GFM1: variants seen among roughly 807,000 people sequenced by gnomAD.
GFM1 encodes elongation factor G, mitochondrial.
Under a neutral mutation model 96.2 loss-of-function variants are expected in GFM1, and 62 were observed. The observed-to-expected ratio is 0.64, with a 90% CI of 0.53 to 0.80. GFM1 has a LOEUF of 0.80. Among genes scored for constraint, GFM1 ranks in the 30% least tolerant of loss-of-function variants. GFM1 has a pLI of 0.00. For synonymous variants in GFM1, 282 were observed against 312.9 expected, an observed-to-expected ratio of 0.90 and a Z score of 1.04; for missense variants, 852 against 916.6, an observed-to-expected ratio of 0.93 and a Z score of 0.91.
chr3:158,646,981 A>G, intron 4 of GFM1, 34 bp downstream of exon 4: 1 of 1,527,998 alleles, frequency 6.5e-7, no homozygotes, highest in Non-Finnish European at 9.1e-7. Flanking sequence ...AGAGGATGTG[A>G]TGATCTAGAC....
chr3:158,694,086 C>A lies in GFM1; in HGVS notation c.*2619C>A, dbSNP rs1477282096. Among the ~76,000 whole-genome samples, 1 of 151,662 alleles carries A rather than the reference C, an allele frequency of 6.6e-6. No individual in the cohort carries two copies. The highest frequency in any genetic ancestry group is 2.4e-5 in the African/African-American group (1 of 41,280). ...GACTCAGCAATACCATTACTATATA[C>A]CCAAAGGAACGTAAATCATTCTATT... On this transcript the variant is annotated 3_prime_UTR_variant, in exon 18 of 18. Transcript: ENST00000486715.
chr3:158,655,084 A>G (rs1167012862), intron 8 of GFM1, among the ~76,000 whole-genome samples: 1 of 152,206 alleles, frequency 6.6e-6, no homozygotes, highest in Non-Finnish European at 1.5e-5. Flanking sequence ...AATATGTCCT[A>G]AGGAACTAAT....
chr3:158,649,853 G>A lies in GFM1; in HGVS notation c.689+696G>A, dbSNP rs370486514. 15 of 627,042 alleles carry A rather than the reference G, an allele frequency of 2.4e-5. 1 individual carries two copies. Among genetic ancestry groups the A allele is most frequent in the Admixed American group, 1.5e-4 (6 of 40,488 alleles). 38.8% of individuals were successfully genotyped at this position (627,042 alleles called of 1,614,324 possible). On this transcript the variant is annotated intron_variant, in intron 5 of 17. Coordinates refer to ENST00000486715, the MANE Select transcript of GFM1 (RefSeq NM_024996.7). The stretch of plus-strand genomic sequence containing the variant: ...TGATCAGTAGATTGGGGTGGGGCCC[G>A]TAGTTTGCATTTCTGGAAGGTTTCC...
rs1213501380 is a variant in GFM1, at chr3:158,692,605, T to A, written c.*1138T>A. The A allele has an allele frequency of 6.6e-6, 1 of 152,210 alleles. No individual in the cohort carries two copies. Among genetic ancestry groups the A allele is most frequent in the Non-Finnish European group, 1.5e-5 (1 of 68,030 alleles). The allele number at this position is 152,210 out of a possible 1,614,324, so 9.4% of individuals were successfully genotyped here. On this transcript the variant is annotated 3_prime_UTR_variant, in exon 18 of 18. Coordinates refer to ENST00000486715, the MANE Select transcript of GFM1 (RefSeq NM_024996.7). ...GCTTTTCTTGACTTATAGACGTGGC[T>A]TTATACTTTAAGGTTTCTAGGGGAA...
chr3:158,645,621 T>G lies in GFM1; in HGVS notation c.82-8T>G. ...GTGCATAGAATTGAGCTCTCGTATT[T>G]TTTTCAGGTTAATTGGAAGGCCTGC... On this transcript the variant is annotated splice_polypyrimidine_tract_variant and splice_region_variant and intron_variant, in intron 1 of 17. Coordinates refer to ENST00000486715, the MANE Select transcript of GFM1 (RefSeq NM_024996.7). 1 of 1,610,526 alleles carries G rather than the reference T, an allele frequency of 6.2e-7. No homozygotes were observed. The highest frequency in any genetic ancestry group is 8.5e-7 in the Non-Finnish European group (1 of 1,176,728).
At chr3:158,657,913 A>C (rs1722893107) in intron 8 of GFM1, among the ~76,000 whole-genome samples, 1 of 152,126 alleles carries the variant, frequency 6.6e-6, no homozygotes, top group Non-Finnish European at 1.5e-5. Context: ...AGTTTCAAGC[A>C]TTTTAATATG....
chr3:158,670,495 T>C (rs1020392211), intron 13 of GFM1, among the ~76,000 whole-genome samples: 21 of 152,334 alleles, frequency 1.4e-4, no homozygotes, highest in Middle Eastern at 3.4e-3. Flanking sequence ...GTATAGTCTT[T>C]TTTTGTGTAG....
At chr3:158,677,659 C>T (rs1252484013) in intron 13 of GFM1, among the ~76,000 whole-genome samples, 1 of 152,182 alleles carries the variant, frequency 6.6e-6, no homozygotes, top group Non-Finnish European at 1.5e-5. Context: ...CATCTGCCAC[C>T]ATGCCCGACT....
intron 8 of GFM1, among the ~76,000 whole-genome samples, chr3:158,657,985 T>C (rs1722901322): frequency 6.6e-6 from 1 of 152,080 alleles, no homozygotes; most frequent in South Asian, 2.1e-4. Flanking sequence ...ATTTCTGTTT[T>C]TACCTATTTA....
chr3:158,683,935 AG>A (rs1250316481), intron 14 of GFM1, among the ~76,000 whole-genome samples: 1 of 152,234 alleles, frequency 6.6e-6, no homozygotes, highest in Non-Finnish European at 1.5e-5. Flanking sequence ...ACAATAGCAA[AG>A]ATATGTAATC....
intron 17 of GFM1, 26 bp from the exon 18 acceptor site, chr3:158,691,310 A>AC: frequency 6.2e-7 from 1 of 1,612,616 alleles, no homozygotes; most frequent in East Asian, 2.2e-5. Flanking sequence ...CAAACAAAAA[A>AC]CCCTCTCTTT....
rs1268978722 is a variant in GFM1 at position 158,646,383 on chromosome 3, A to G, written c.367+86A>G. The G allele has an allele frequency of 2.9e-6, 4 of 1,366,558 alleles. No homozygotes were observed. In the African/African-American group the frequency reaches 4.3e-5, roughly 15 times the overall value. The allele number at this position is 1,366,558 out of a possible 1,614,324, so 84.7% of individuals were successfully genotyped here. A position where few individuals can be genotyped will look rare whatever the true frequency, so the allele number is the denominator to read the frequency against. On this transcript the variant is annotated intron_variant, in intron 3 of 17. Transcript: ENST00000486715. ...CTTACTGTGACCCAATTAGTTTTTG[A>G]TTGTCAAATACTCAAAAGTGTAACA...
chr3:158,692,726 C>T lies in GFM1; in HGVS notation c.*1259C>T, dbSNP rs1020299490. ...TATTTTTTTGTGGTAGGGTCTCACT[C>T]TATCCCCCAGGCTGGAATGCAGAGG... On this transcript the variant is annotated 3_prime_UTR_variant, in exon 18 of 18. Coordinates refer to ENST00000486715, the MANE Select transcript of GFM1 (RefSeq NM_024996.7). 1.3e-5 allele frequency among the ~76,000 whole-genome samples: 2 copies of T among 151,404 alleles called. No individual in the cohort carries two copies. Among genetic ancestry groups the T allele is most frequent in the African/African-American group, 4.9e-5 (2 of 41,152 alleles).
rs1725810084 is a variant in GFM1 at position 158,686,109 on chromosome 3, GATAA to G, written c.1909+1446_1909+1449del. Among the ~76,000 whole-genome samples the G allele has an allele frequency of 9.3e-5, 14 of 150,366 alleles. No homozygotes were observed. In the Admixed American group the frequency reaches 9.3e-4, roughly 10 times the overall value. ...ATCTATGTGGCCATATATATACATA[GATAA>G]ATAATGTGGCCATATACATTTTCCC... On this transcript the variant is annotated intron_variant, in intron 15 of 17. Coordinates refer to ENST00000486715, the MANE Select transcript of GFM1 (RefSeq NM_024996.7).
intron 12 of GFM1, among the ~76,000 whole-genome samples, 167 bp downstream of exon 12, chr3:158,665,641 T>C (rs1723605597): frequency 6.6e-6 from 1 of 152,198 alleles, no homozygotes; most frequent in Non-Finnish European, 1.5e-5. Context: ...TGTTACAAAA[T>C]AATTATTTTC....
chr3:158,672,552 T>C (rs1299741117), intron 13 of GFM1: 3 of 1,578,858 alleles, frequency 1.9e-6, no homozygotes, highest in African/African-American at 2.7e-5. Flanking sequence ...CCGCCCGTCC[T>C]GCTTGCTGCT....
Position 158,692,728 on chromosome 3 carries a change from A to G in GFM1, c.*1261A>G, listed in dbSNP as rs748513544. The stretch of plus-strand genomic sequence containing the variant: ...TTTTTTTGTGGTAGGGTCTCACTCT[A>G]TCCCCCAGGCTGGAATGCAGAGGGA... On this transcript the variant is annotated 3_prime_UTR_variant, in exon 18 of 18. Coordinates refer to ENST00000486715, the MANE Select transcript of GFM1 (RefSeq NM_024996.7). 4.0e-5 allele frequency among the ~76,000 whole-genome samples: 6 copies of G among 151,362 alleles called. No individual in the cohort carries two copies. The highest frequency in any genetic ancestry group is 1.9e-4 in the East Asian group (1 of 5,168).
chr3:158,681,734 T>C (rs2108095160), intron 13 of GFM1, among the ~76,000 whole-genome samples: 1 of 152,328 alleles, frequency 6.6e-6, no homozygotes, highest in South Asian at 2.1e-4. Context: ...CCTTTTTCTT[T>C]TAATTACTCG....
rs1576755045 is a variant in GFM1, at chr3:158,665,324, T to C, written c.1381-13T>C. The C allele has an allele frequency of 1.3e-6, 2 of 1,598,982 alleles. No individual in the cohort carries two copies. Among genetic ancestry groups the C allele is most frequent in the East Asian group, 4.5e-5 (2 of 44,714 alleles). On this transcript the variant is annotated splice_polypyrimidine_tract_variant and intron_variant, in intron 11 of 17. Transcript: ENST00000486715. ...TCAGTAAAACATATAGTGACTTTCT[T>C]CTTCTTTTAAAGAACGATCTGGAAA...
Sources: allele counts gnomAD v4.1 joint callset (sites outside exome capture counted in the v4.1 genomes callset), GRCh38; gene constraint gnomAD v4.1.1; transcripts MANE v1.5; gene names NCBI Gene and HGNC (gene_info 2026-07-23, HGNC 2026-07-21).